EEF1AKMT1: variants seen among roughly 807,000 people sequenced by gnomAD.
EEF1AKMT1 encodes N-6 adenine-specific DNA methyltransferase 2 (putative).
EEF1AKMT1 carries 18 observed loss-of-function variants against 21.0 expected under a neutral mutation model. That is an observed-to-expected ratio of 0.86 (90% CI 0.59 to 1.27). The LOEUF (loss-of-function observed/expected upper bound fraction) is 1.27. Among genes scored for constraint, EEF1AKMT1 ranks in the 50% most tolerant of loss-of-function variants. The probability of loss-of-function intolerance (pLI) is 0.00; values close to 1 mark genes in which losing one functional copy is unlikely to be tolerated. For synonymous variants in EEF1AKMT1, 109 were observed against 94.8 expected (o/e 1.15, Z -0.87); for missense variants, 246 against 258.6 (o/e 0.95, Z 0.33).
chr13:20,754,261 A>G (rs1595024547), intron 2 of EEF1AKMT1, among the ~76,000 whole-genome samples: 2 of 80,388 alleles, frequency 2.5e-5, no homozygotes, highest in African/African-American at 3.4e-5. Context: ...TTTTGTTGGC[A>G]GTTTTTTTTT....
chr13:20,739,003 T>A (rs752815290), intron 2 of EEF1AKMT1, among the ~76,000 whole-genome samples: 2 of 152,190 alleles, frequency 1.3e-5, no homozygotes, highest in African/African-American at 2.4e-5. Flanking sequence ...TTAAAGATAG[T>A]GTGCCCAGAG....
At chr13:20,734,838 G>C (rs927584629) in intron 3 of EEF1AKMT1, among the ~76,000 whole-genome samples, 2 of 152,010 alleles carry the variant, frequency 1.3e-5, no homozygotes, top group Admixed American at 6.6e-5. Flanking sequence ...ATATCTAAAA[G>C]CAGTGTCACT....
At chr13:20,738,831 G>C (rs1054073910) in intron 2 of EEF1AKMT1, among the ~76,000 whole-genome samples, 2 of 152,190 alleles carry the variant, frequency 1.3e-5, no homozygotes, top group Non-Finnish European at 2.9e-5. Flanking sequence ...AGGATTGAGG[G>C]ATTAGGAGGT....
At chr13:20,773,760 C>A (rs1029051666) in intron 1 of EEF1AKMT1, 161 bp downstream of exon 1, 1 of 152,896 alleles carries the variant, frequency 6.5e-6, no homozygotes, top group Non-Finnish European at 1.5e-5. Flanking sequence ...GCGCCAGCTC[C>A]TTCCCTCAGG....
intron 1 of EEF1AKMT1, among the ~76,000 whole-genome samples, chr13:20,771,247 A>T (rs1250043469): frequency 1.3e-5 from 2 of 152,226 alleles, no homozygotes; most frequent in African/African-American, 4.8e-5. Context: ...GTAACTTGTT[A>T]ATCACTTAGA....
chr13:20,731,215 T>G (rs897590552), intron 4 of EEF1AKMT1, among the ~76,000 whole-genome samples: 1 of 152,236 alleles, frequency 6.6e-6, no homozygotes, highest in Non-Finnish European at 1.5e-5. Context: ...TCTTGCTGTG[T>G]TGCCCAGCCT....
chr13:20,772,171 A>AT (rs1002730950), intron 1 of EEF1AKMT1, among the ~76,000 whole-genome samples: 3 of 151,960 alleles, frequency 2.0e-5, no homozygotes, highest in Non-Finnish European at 4.4e-5. Context: ...TTATTTTTAA[A>AT]TTTTTTCTGG....
At chr13:20,749,411 T>A (rs1040026599) in intron 2 of EEF1AKMT1, among the ~76,000 whole-genome samples, 2 of 152,230 alleles carry the variant, frequency 1.3e-5, no homozygotes, top group African/African-American at 4.8e-5. Flanking sequence ...CCTCTCCTAC[T>A]ATATGCATCA....
At chr13:20,743,674 T>C (rs574383206) in intron 2 of EEF1AKMT1, among the ~76,000 whole-genome samples, 35 of 151,332 alleles carry the variant, frequency 2.3e-4, no homozygotes, top group South Asian at 1.5e-3. Context: ...TTTTTTTTTT[T>C]CTCGTATTTT....
chr13:20,731,814 TGATGA>T, intron 4 of EEF1AKMT1, 22 bp downstream of exon 4: 2 of 1,591,754 alleles, frequency 1.3e-6, no homozygotes, highest in South Asian at 2.3e-5. Context: ...TCAGTGACTT[TGATGA>T]GATATGAAAT....
At chr13:20,773,861 T>G (rs956076178) in intron 1 of EEF1AKMT1, 60 bp downstream of exon 1, 1 of 152,262 alleles carries the variant, frequency 6.6e-6, no homozygotes, top group African/African-American at 2.4e-5. Context: ...CCTAACCCAG[T>G]CCAAAACGCC....
chr13:20,737,896 T>C (rs2058835341), intron 2 of EEF1AKMT1, 91 bp from the exon 3 acceptor site: 2 of 819,348 alleles, frequency 2.4e-6, no homozygotes, highest in Non-Finnish European at 3.8e-6. Flanking sequence ...TGGACAGATA[T>C]TTTGTTCTTT....
chr13:20,746,158 ATT>A (rs974565526), intron 2 of EEF1AKMT1, among the ~76,000 whole-genome samples: 1 of 145,678 alleles, frequency 6.9e-6, no homozygotes, highest in African/African-American at 2.5e-5. Flanking sequence ...TCTATCCATT[ATT>A]TTTTTTTTTT....
At position 20,731,932 on chromosome 13, in the gene EEF1AKMT1, T is replaced by C. The variant is rs148306539; in HGVS notation, c.417A>G (p.Ile139Met). ...CCTCCGAAAGATAGGGAGGATCTGC[T>C]ATTACGATGTCAAAACTATGTGCAG... ...RIAAHSFDIV[I>M]ADPPYLSEEC... The change falls in exon 4 of 5, where the codon ATA becomes ATG. Residue 139 changes from isoleucine (I) to methionine (M), a missense_variant. Transcript: ENST00000382758. 2.5e-6 allele frequency: 4 copies of C among 1,614,132 alleles called. No individual in the cohort carries two copies. Among genetic ancestry groups the C allele is most frequent in the Non-Finnish European group, 3.4e-6 (4 of 1,180,054 alleles).
intron 4 of EEF1AKMT1, 36 bp downstream of exon 4, chr13:20,731,805 C>T: frequency 2.5e-6 from 4 of 1,581,976 alleles, no homozygotes; most frequent in South Asian, 2.3e-5. Flanking sequence ...TAGCCACTGT[C>T]AGTGACTTTG....
intron 3 of EEF1AKMT1, 55 bp downstream of exon 3, chr13:20,737,668 G>A: frequency 1.4e-6 from 2 of 1,400,594 alleles, no homozygotes; most frequent in South Asian, 1.2e-5. Context: ...TGTCATCCAG[G>A]AAAGACATTC....
chr13:20,767,173 GCA>G (rs1457674228), intron 1 of EEF1AKMT1, among the ~76,000 whole-genome samples: 15 of 151,600 alleles, frequency 9.9e-5, no homozygotes, highest in Admixed American at 9.9e-4. Context: ...GGGCGTTGTG[GCA>G]AGCACCTGTA....
chr13:20,770,824 T>C (rs935473129), intron 1 of EEF1AKMT1, among the ~76,000 whole-genome samples: 1 of 152,172 alleles, frequency 6.6e-6, no homozygotes, highest in African/African-American at 2.4e-5. Context: ...TGTGTCCATA[T>C]ACATATGCAG....
chr13:20,739,124 T>C (rs1053070951), intron 2 of EEF1AKMT1, among the ~76,000 whole-genome samples: 4 of 152,136 alleles, frequency 2.6e-5, no homozygotes, highest in Non-Finnish European at 4.4e-5. Context: ...GGATTACAAC[T>C]CCTAAGATGG....
Sources: allele counts gnomAD v4.1 joint callset (sites outside exome capture counted in the v4.1 genomes callset), GRCh38; gene constraint gnomAD v4.1.1; transcripts MANE v1.5; gene names NCBI Gene and HGNC (gene_info 2026-07-23, HGNC 2026-07-21).